The following PSD2 variants were observed in gnomAD, a reference collection of about 807,000 sequenced individuals.
PSD2 encodes the protein PH and SEC7 domain-containing protein 2.
Under a neutral mutation model 69.8 loss-of-function variants are expected in PSD2, and 38 were observed. That is an observed-to-expected ratio of 0.54 (90% CI 0.42 to 0.71). The LOEUF is 0.71. Ranked by LOEUF, PSD2 falls within the 30% of genes least tolerant of loss-of-function variation. The pLI is 0.00. For synonymous variants in PSD2, 412 were observed against 423.0 expected (o/e 0.97, Z 0.32); for missense variants, 943 against 1,014.5 (o/e 0.93, Z 0.96).
chr5:139,754,942 A>T, the PSD2 span, among the ~76,000 whole-genome samples: 21 of 152,212 alleles, frequency 1.4e-4, no homozygotes, highest in African/African-American at 4.6e-4. Flanking sequence ...CAAGGTGTGT[A>T]TGTGTTTTTG....
chr5:139,831,605 C>T (rs1760600652), intron 7 of PSD2, among the ~76,000 whole-genome samples: 1 of 152,116 alleles, frequency 6.6e-6, no homozygotes, highest in Non-Finnish European at 1.5e-5. Flanking sequence ...GTACTTGTAC[C>T]ACTTCCTGGG....
the PSD2 span, among the ~76,000 whole-genome samples, chr5:139,773,972 T>A: frequency 2.0e-5 from 3 of 149,276 alleles, no homozygotes; most frequent in Non-Finnish European, 4.5e-5. Context: ...TCCCTTGATG[T>A]AATGTCCCAA....
At chr5:139,780,971 A>G in the PSD2 span, among the ~76,000 whole-genome samples, 1 of 152,196 alleles carries the variant, frequency 6.6e-6, no homozygotes, top group Non-Finnish European at 1.5e-5. Flanking sequence ...TCAGTCATAA[A>G]TGGTGAGATT....
chr5:139,822,934 C>A, intron 7 of PSD2, 150 bp downstream of exon 7: 1 of 595,792 alleles, frequency 1.7e-6, no homozygotes, highest in Non-Finnish European at 2.7e-6. Flanking sequence ...AGATTTGGCC[C>A]CGCCCTAGTT....
rs1463149275 is a variant in PSD2 at position 139,813,766 on chromosome 5, A to C, written c.821+8A>C. The C allele has an allele frequency of 6.3e-7, 1 of 1,592,962 alleles. No individual in the cohort carries two copies. Reference sequence around the variant, plus strand: ...GTTGCTGAACTCAGCCAGGTGAGGCAGGGCCCAGGCTGGGAGAACCACCGA... The same window carrying C: ...GTTGCTGAACTCAGCCAGGTGAGGCCGGGCCCAGGCTGGGAGAACCACCGA... On this transcript the variant is annotated splice_region_variant and intron_variant, in intron 3 of 14. Transcript: ENST00000274710.
rs1006713542 is a variant in PSD2, at chr5:139,817,627, A to G, written c.1097+66A>G. 7.5e-6 allele frequency: 10 copies of G among 1,330,266 alleles called. 1 individual carries two copies. The highest frequency in any genetic ancestry group is 1.1e-5 in the Non-Finnish European group (10 of 925,054). 82.4% of individuals were successfully genotyped at this position (1,330,266 alleles called of 1,614,324 possible). On this transcript the variant is annotated intron_variant, in intron 5 of 14. Transcript: ENST00000274710. ...GGCTGCACTTCTGGATTCTCATGTC[A>G]ACTCTACCATAAACTTGCTGTACAA...
the PSD2 span, among the ~76,000 whole-genome samples, chr5:139,756,199 T>A: frequency 6.6e-6 from 1 of 152,038 alleles, no homozygotes; most frequent in South Asian, 2.1e-4. Flanking sequence ...TTTTATTGGG[T>A]CATTAACAAC....
chr5:139,748,098 G>A, the PSD2 span, among the ~76,000 whole-genome samples: 7 of 152,180 alleles, frequency 4.6e-5, no homozygotes, highest in African/African-American at 1.4e-4. Flanking sequence ...CCTGTGAACC[G>A]AGCCACATCT....
chr5:139,828,191 A>G (rs1233506645), intron 7 of PSD2, among the ~76,000 whole-genome samples: 3 of 151,736 alleles, frequency 2.0e-5, no homozygotes, highest in Non-Finnish European at 4.4e-5. Flanking sequence ...GAGAAATTCC[A>G]GAGGTATTTT....
chr5:139,755,483 G>C, the PSD2 span, among the ~76,000 whole-genome samples: 1 of 152,014 alleles, frequency 6.6e-6, no homozygotes, highest in Non-Finnish European at 1.5e-5. Context: ...CTCTGCCTGC[G>C]TCATTCTGTG....
upstream of PSD2, among the ~76,000 whole-genome samples, chr5:139,792,594 C>T (rs1043152286): frequency 4.6e-5 from 7 of 152,132 alleles, no homozygotes; most frequent in Admixed American, 1.3e-4. Context: ...AAAGGGAGGT[C>T]ACTTGGAGGA....
chr5:139,835,700 CCT>C (rs1405955644), intron 8 of PSD2, 21 bp from the exon 9 acceptor site: 5 of 1,613,012 alleles, frequency 3.1e-6, no homozygotes, highest in Middle Eastern at 1.6e-4. Context: ...TGAATTCCCC[CCT>C]CTCTCTTTTC....
At chr5:139,763,406 G>A in the PSD2 span, among the ~76,000 whole-genome samples, 3 of 152,150 alleles carry the variant, frequency 2.0e-5, no homozygotes, top group Non-Finnish European at 2.9e-5. Flanking sequence ...TCTAGCTCTG[G>A]GGTCATTCCC....
chr5:139,764,156 G>A, the PSD2 span, among the ~76,000 whole-genome samples: 2 of 152,172 alleles, frequency 1.3e-5, no homozygotes, highest in Admixed American at 6.5e-5. Flanking sequence ...TGTTGTTGGG[G>A]TCACAGTATT....
At chr5:139,751,820 G>T in the PSD2 span, among the ~76,000 whole-genome samples, 2 of 147,394 alleles carry the variant, frequency 1.4e-5, no homozygotes, top group African/African-American at 5.1e-5. Flanking sequence ...TTGAGACAGG[G>T]TCTCGTTCTG....
chr5:139,809,937 C>A, intron 2 of PSD2, 126 bp downstream of exon 2: 1 of 1,026,126 alleles, frequency 9.7e-7, no homozygotes, highest in South Asian at 1.6e-5. Flanking sequence ...ATTTCATATC[C>A]CTCTTTTGCC....
chr5:139,829,548 A>G (rs546338367), intron 7 of PSD2, among the ~76,000 whole-genome samples: 1 of 152,182 alleles, frequency 6.6e-6, no homozygotes, highest in South Asian at 2.1e-4. Flanking sequence ...GTCTCTGTGA[A>G]TTTGTCTACC....
intron 1 of PSD2, 21 bp from the exon 2 acceptor site, chr5:139,809,370 C>CCT (rs1759891408): frequency 1.3e-6 from 2 of 1,535,204 alleles, no homozygotes. Flanking sequence ...ACCAGTTCTT[C>CCT]CTCTCTCCAC....
the PSD2 span, among the ~76,000 whole-genome samples, chr5:139,762,881 G>A: frequency 6.6e-6 from 1 of 152,102 alleles, no homozygotes; most frequent in African/African-American, 2.4e-5. Context: ...GAGATGGCCT[G>A]GGGGGAGAGC....
Sources: gnomAD v4.1 joint callset for allele counts (sites outside exome capture counted in the v4.1 genomes callset) on GRCh38, gnomAD v4.1.1 for gene constraint, MANE v1.5 for transcripts, NCBI Gene and HGNC (gene_info 2026-07-23, HGNC 2026-07-21) for gene names.